ADAMTS17: variants seen among roughly 807,000 people sequenced by gnomAD.
The protein encoded by ADAMTS17 is ADAM metallopeptidase with thrombospondin type 1 motif 17, also known as A disintegrin and metalloproteinase with thrombospondin motifs 17.
In ADAMTS17, 113 loss-of-function variants were observed where a neutral mutation model predicts 141.5. That is an observed-to-expected ratio of 0.80 (90% confidence interval 0.69 to 0.93). ADAMTS17 has a LOEUF of 0.93. Among genes scored for constraint, ADAMTS17 ranks in the 40% least tolerant of loss-of-function variants. The pLI is 0.00. For missense variants in ADAMTS17, 1,659 were observed against 1,517.9 expected (o/e 1.09, Z -1.54); for synonymous variants, 768 against 630.6 (o/e 1.22, Z -3.27).
intron 18 of ADAMTS17, among the ~76,000 whole-genome samples, chr15:100,005,663 T>A (rs8023796): frequency 2.0e-5 from 3 of 152,142 alleles, no homozygotes; most frequent in African/African-American, 7.2e-5. Context: ...CGATAATCAG[T>A]TGGCCTTAAA....
In ADAMTS17 at chr15:99,971,783, G is replaced by C. The variant is rs151153777; in HGVS notation, c.*2619C>G. ...TAGGGTCGTGAGACTCTGGTAACACGTGCGTTAGTGACACGTGTGCAAGCA... is the reference window on the plus strand; with the variant it reads ...TAGGGTCGTGAGACTCTGGTAACACCTGCGTTAGTGACACGTGTGCAAGCA... On this transcript the variant is annotated 3_prime_UTR_variant, in exon 22 of 22. Transcript: ENST00000268070. The C allele has an allele frequency of 6.6e-6, 1 of 152,184 alleles. No individual in the cohort carries two copies. The highest frequency in any genetic ancestry group is 1.5e-5 in the Non-Finnish European group (1 of 68,024). 9.4% of individuals were successfully genotyped at this position (152,184 alleles called of 1,614,324 possible).
intron 8 of ADAMTS17, among the ~76,000 whole-genome samples, chr15:100,163,324 C>A (rs1216744840): frequency 6.6e-6 from 1 of 152,102 alleles, no homozygotes; most frequent in Non-Finnish European, 1.5e-5. Context: ...CACACTGACA[C>A]CCTGAGAGTG....
chr15:100,293,163 T>C (rs2044701047), intron 3 of ADAMTS17, among the ~76,000 whole-genome samples: 1 of 152,136 alleles, frequency 6.6e-6, no homozygotes, highest in Non-Finnish European at 1.5e-5. Context: ...GGGAGAGTTA[T>C]TATCGCACCC....
At chr15:100,094,634 T>C (rs976964733) in intron 15 of ADAMTS17, among the ~76,000 whole-genome samples, 9 of 152,238 alleles carry the variant, frequency 5.9e-5, no homozygotes, top group African/African-American at 2.2e-4. Context: ...CTGACTTGTC[T>C]TCTACAGAAT....
chr15:100,109,394 C>T lies in ADAMTS17; in HGVS notation c.1889-278G>A, dbSNP rs13379647. Among the ~76,000 whole-genome samples the T allele has an allele frequency of 0.67, 101,513 of 151,518 alleles. 34,831 individuals are homozygous for T. The highest frequency in any genetic ancestry group is 0.83 in the African/African-American group (34,297 of 41,320). ...CCTTTTCCTTAAGGCATCAACTATA[C>T]CCGGTGAACAAAGGAAGAGTTGTGT... On this transcript the variant is annotated intron_variant, in intron 13 of 21. Transcript: ENST00000268070.
chr15:100,337,947 C>T (rs2046255534), intron 2 of ADAMTS17, among the ~76,000 whole-genome samples: 1 of 152,208 alleles, frequency 6.6e-6, no homozygotes, highest in Admixed American at 6.5e-5. Flanking sequence ...TCCGAACTTA[C>T]ATAAATTCAC....
intron 3 of ADAMTS17, among the ~76,000 whole-genome samples, chr15:100,291,591 T>C (rs1271944319): frequency 1.3e-5 from 2 of 152,144 alleles, no homozygotes; most frequent in Non-Finnish European, 2.9e-5. Flanking sequence ...GGAATCAATC[T>C]AGATGCCTAT....
chr15:100,068,823 A>T (rs895395848), intron 15 of ADAMTS17, among the ~76,000 whole-genome samples: 3 of 152,226 alleles, frequency 2.0e-5, no homozygotes, highest in Non-Finnish European at 4.4e-5. Flanking sequence ...GAAAAACTGG[A>T]AACTCTAAAA....
intron 8 of ADAMTS17, among the ~76,000 whole-genome samples, chr15:100,186,187 A>C (rs754387270): frequency 3.0e-4 from 45 of 152,176 alleles, no homozygotes; most frequent in Non-Finnish European, 5.1e-4. Context: ...TACTGTCATT[A>C]AGCTGCATTT....
intron 7 of ADAMTS17, among the ~76,000 whole-genome samples, chr15:100,202,649 G>A (rs1455897909): frequency 6.6e-6 from 1 of 152,212 alleles, no homozygotes; most frequent in Non-Finnish European, 1.5e-5. Flanking sequence ...TTTCTAAAAA[G>A]AAACTGCAGT....
At chr15:100,284,232 C>T (rs946700824) in intron 3 of ADAMTS17, among the ~76,000 whole-genome samples, 4 of 152,274 alleles carry the variant, frequency 2.6e-5, no homozygotes, top group Middle Eastern at 3.4e-3. Context: ...AACAGGGTGC[C>T]GTAAAGAGTG....
chr15:100,199,951 G>A lies in ADAMTS17; in HGVS notation c.1076-528C>T, dbSNP rs2041261254. 4.6e-5 allele frequency among the ~76,000 whole-genome samples: 7 copies of A among 152,234 alleles called. No homozygotes were observed. In the South Asian group the frequency reaches 1.4e-3, roughly 32 times the overall value. On this transcript the variant is annotated intron_variant, in intron 7 of 21. Coordinates refer to ENST00000268070, the MANE Select transcript of ADAMTS17 (RefSeq NM_139057.4). The stretch of plus-strand genomic sequence containing the variant: ...CAATGCGCATCCCGGGCGTGAGCCG[G>A]GGTCTGTGCTGGGTCTCGTGGACAG...
chr15:100,133,178 G>C, intron 11 of ADAMTS17, 36 bp downstream of exon 11: 1 of 1,538,790 alleles, frequency 6.5e-7, no homozygotes, highest in Non-Finnish European at 8.8e-7. Flanking sequence ...AAGATGTGGA[G>C]CTGCCTGTTG....
intron 21 of ADAMTS17, among the ~76,000 whole-genome samples, 177 bp from the exon 22 acceptor site, chr15:99,974,739 G>A (rs1204994830): frequency 2.0e-5 from 3 of 152,260 alleles, no homozygotes; most frequent in Non-Finnish European, 4.4e-5. Flanking sequence ...GCCACTTTCT[G>A]TCACAGGGAT....
At chr15:100,036,272 C>T (rs1354540578) in intron 18 of ADAMTS17, among the ~76,000 whole-genome samples, 2 of 152,238 alleles carry the variant, frequency 1.3e-5, no homozygotes, top group Non-Finnish European at 2.9e-5. Flanking sequence ...CAACGGACCA[C>T]ACTGGGCAAA....
intron 3 of ADAMTS17, among the ~76,000 whole-genome samples, chr15:100,316,954 T>C (rs1399842928): frequency 6.6e-6 from 1 of 152,182 alleles, no homozygotes; most frequent in South Asian, 2.1e-4. Context: ...ATGTCCCTTT[T>C]ACAGTATCTG....
At chr15:100,253,386 A>G (rs2141958775) in intron 7 of ADAMTS17, among the ~76,000 whole-genome samples, 1 of 33,542 alleles carries the variant, frequency 3.0e-5, no homozygotes, top group Admixed American at 2.5e-4. Context: ...GGGAAGGTAG[A>G]GGGGGAGGGG....
At chr15:100,158,155 G>A (rs2039523138) in intron 8 of ADAMTS17, among the ~76,000 whole-genome samples, 1 of 152,254 alleles carries the variant, frequency 6.6e-6, no homozygotes, top group African/African-American at 2.4e-5. Context: ...CCAAAGTGCT[G>A]GGATTACAGG....
At chr15:100,245,491 T>C (rs2042959330) in intron 7 of ADAMTS17, among the ~76,000 whole-genome samples, 1 of 152,248 alleles carries the variant, frequency 6.6e-6, no homozygotes, top group Admixed American at 6.5e-5. Flanking sequence ...AAAGTAAATG[T>C]TGGTTCTACA....
Sources: allele counts gnomAD v4.1 joint callset (sites outside exome capture counted in the v4.1 genomes callset), GRCh38; gene constraint gnomAD v4.1.1; transcripts MANE v1.5; gene names NCBI Gene and HGNC (gene_info 2026-07-23, HGNC 2026-07-21).